Variants in KCNH5 observed in about 807,000 individuals in gnomAD.
The protein encoded by KCNH5 is potassium voltage-gated channel subfamily H member 5, also known as voltage-gated delayed rectifier potassium channel KCNH5.
In KCNH5, 46 loss-of-function variants were observed where a neutral mutation model predicts 96.1. The ratio of observed to expected loss-of-function variants is 0.48; its 90% confidence interval spans 0.38 to 0.61. The LOEUF (loss-of-function observed/expected upper bound fraction) is 0.61, where lower values mean the gene tolerates loss of function less well. Ranked by LOEUF, KCNH5 falls within the 20% of genes least tolerant of loss-of-function variation. The probability of loss-of-function intolerance (pLI) is 0.00; values close to 1 mark genes in which losing one functional copy is unlikely to be tolerated. For missense variants in KCNH5, 907 were observed against 1,225.8 expected (o/e 0.74, Z 3.88); for synonymous variants, 439 against 449.8 (o/e 0.98, Z 0.30).
chr14:62,982,112 C>T lies in KCNH5; in HGVS notation c.550-848G>A, dbSNP rs185743154. Reference sequence around the variant, plus strand: ...ATAAAAAACAGTTGAGGCGAGATCACGAGGTCAGGAGATCGAGACCATCCT... The same window carrying T: ...ATAAAAAACAGTTGAGGCGAGATCATGAGGTCAGGAGATCGAGACCATCCT... On this transcript the variant is annotated intron_variant, in intron 5 of 10. Coordinates refer to ENST00000322893, the MANE Select transcript of KCNH5 (RefSeq NM_139318.5). 3.9e-5 allele frequency among the ~76,000 whole-genome samples: 6 copies of T among 152,238 alleles called. No homozygotes were observed. In the East Asian group the frequency reaches 7.7e-4, roughly 20 times the overall value.
At chr14:62,767,694 A>C (rs1438000946) in intron 10 of KCNH5, among the ~76,000 whole-genome samples, 1 of 152,180 alleles carries the variant, frequency 6.6e-6, no homozygotes, top group Admixed American at 6.6e-5. Context: ...TGAGGTTTGT[A>C]AAACTAGCTG....
intron 6 of KCNH5, among the ~76,000 whole-genome samples, chr14:62,957,050 C>A (rs1323915653): frequency 6.6e-6 from 1 of 152,176 alleles, no homozygotes; most frequent in East Asian, 1.9e-4. Flanking sequence ...TAACAGAACA[C>A]AACAGGGTGA....
At chr14:63,012,697 G>A (rs1891250713) in intron 2 of KCNH5, among the ~76,000 whole-genome samples, 1 of 151,924 alleles carries the variant, frequency 6.6e-6, no homozygotes, top group South Asian at 2.1e-4. Context: ...CGAAGGCTGT[G>A]AAGACACTAC....
At chr14:62,952,617 T>C (rs1566720022) in intron 6 of KCNH5, among the ~76,000 whole-genome samples, 1 of 152,214 alleles carries the variant, frequency 6.6e-6, no homozygotes, top group Non-Finnish European at 1.5e-5. Flanking sequence ...GGGACTTCTG[T>C]TTAAATACTG....
Position 62,707,139 on chromosome 14 carries a change from T to C in KCNH5, c.*369A>G, listed in dbSNP as rs1884449306. 6.5e-6 allele frequency: 1 copy of C among 153,338 alleles called. No individual in the cohort carries two copies. The highest frequency in any genetic ancestry group is 1.5e-5 in the Non-Finnish European group (1 of 68,818). The allele number at this position is 153,338 out of a possible 1,614,324, so 9.5% of individuals were successfully genotyped here. ...ACTTAACAGAACAGTGAGAAAATGATAGCTCGATATACATACTCAGCCTGA... is the reference window on the plus strand; with the variant it reads ...ACTTAACAGAACAGTGAGAAAATGACAGCTCGATATACATACTCAGCCTGA... On this transcript the variant is annotated 3_prime_UTR_variant, in exon 11 of 11. Transcript: ENST00000322893.
chr14:62,872,894 T>C (rs952117079), intron 7 of KCNH5, among the ~76,000 whole-genome samples: 3 of 152,158 alleles, frequency 2.0e-5, no homozygotes, highest in Non-Finnish European at 2.9e-5. Context: ...CTCCCGCCTG[T>C]AATCCCAGCA....
At chr14:62,900,419 C>T (rs1193456207) in intron 7 of KCNH5, among the ~76,000 whole-genome samples, 5 of 152,048 alleles carry the variant, frequency 3.3e-5, no homozygotes, top group African/African-American at 1.2e-4. Context: ...GAATATATGG[C>T]AAAATTATGT....
intron 9 of KCNH5, among the ~76,000 whole-genome samples, chr14:62,786,152 C>T (rs1336810357): frequency 6.6e-6 from 1 of 152,166 alleles, no homozygotes; most frequent in Non-Finnish European, 1.5e-5. Flanking sequence ...GATCACGCCA[C>T]TGCTCTCCAG....
At chr14:62,736,769 C>G (rs1303643277) in intron 10 of KCNH5, among the ~76,000 whole-genome samples, 2 of 152,192 alleles carry the variant, frequency 1.3e-5, no homozygotes, top group African/African-American at 4.8e-5. Flanking sequence ...AGAAGTCCGT[C>G]TCAGGTTTTA....
intron 1 of KCNH5, among the ~76,000 whole-genome samples, chr14:63,036,055 T>C (rs1218810427): frequency 2.0e-5 from 3 of 152,196 alleles, no homozygotes; most frequent in Non-Finnish European, 2.9e-5. Flanking sequence ...AATGCCCTCA[T>C]AGAGTTCCAG....
At chr14:63,016,497 G>C (rs186405760) in intron 2 of KCNH5, among the ~76,000 whole-genome samples, 1 of 151,998 alleles carries the variant, frequency 6.6e-6, no homozygotes, top group Non-Finnish European at 1.5e-5. Flanking sequence ...CAGAGGTGCT[G>C]TAGATCACAT....
intron 8 of KCNH5, among the ~76,000 whole-genome samples, chr14:62,846,978 T>A (rs1300667206): frequency 1.3e-5 from 2 of 149,138 alleles, no homozygotes; most frequent in Non-Finnish European, 3.0e-5. Context: ...TTTTTTTTAT[T>A]TTTAGTAGAG....
At chr14:62,740,117 A>G (rs994077483) in intron 10 of KCNH5, among the ~76,000 whole-genome samples, 1 of 152,152 alleles carries the variant, frequency 6.6e-6, no homozygotes, top group African/African-American at 2.4e-5. Flanking sequence ...CAGAAGAAAA[A>G]CAAAGGTCAA....
intron 8 of KCNH5, among the ~76,000 whole-genome samples, chr14:62,816,659 T>C (rs758263185): frequency 2.6e-5 from 4 of 152,154 alleles, no homozygotes; most frequent in Middle Eastern, 3.4e-3. Flanking sequence ...GTATGCTTCC[T>C]AGAATTTTCC....
intron 7 of KCNH5, among the ~76,000 whole-genome samples, chr14:62,886,152 ACACACAC>A (rs1888592554): frequency 8.1e-6 from 1 of 122,842 alleles, no homozygotes; most frequent in Non-Finnish European, 1.8e-5. Flanking sequence ...ACACACACAC[ACACACAC>A]AAGAATATCA....
intron 3 of KCNH5, among the ~76,000 whole-genome samples, chr14:63,006,068 CGTT>C (rs1891119169): frequency 6.6e-6 from 1 of 152,188 alleles, no homozygotes; most frequent in Admixed American, 6.5e-5. Context: ...CAATTTTAAT[CGTT>C]GTCACATAAT....
intron 8 of KCNH5, among the ~76,000 whole-genome samples, chr14:62,813,729 TCAGTGAAAGC>T (rs1886917370): frequency 6.6e-6 from 1 of 152,308 alleles, no homozygotes; most frequent in East Asian, 1.9e-4. Flanking sequence ...TATTATTAAG[TCAGTGAAAGC>T]CAGTGGAGAG....
intron 10 of KCNH5, among the ~76,000 whole-genome samples, chr14:62,732,860 C>G (rs1885079093): frequency 1.3e-5 from 2 of 152,104 alleles, no homozygotes; most frequent in African/African-American, 2.4e-5. Flanking sequence ...CCTCTTGATA[C>G]GGTCTTGATA....
chr14:62,769,892 A>G (rs116866820), intron 10 of KCNH5, among the ~76,000 whole-genome samples: 140 of 152,344 alleles, frequency 9.2e-4, no homozygotes, highest in Non-Finnish European at 1.7e-3. Flanking sequence ...AATGTAAATA[A>G]GAAACCAAAG....
Sources: gnomAD v4.1 joint callset for allele counts (sites outside exome capture counted in the v4.1 genomes callset) on GRCh38, gnomAD v4.1.1 for gene constraint, MANE v1.5 for transcripts, NCBI Gene and HGNC (gene_info 2026-07-23, HGNC 2026-07-21) for gene names.